The following SCRG1 variants were observed in gnomAD, a reference collection of about 807,000 sequenced individuals.
SCRG1 encodes the protein stimulator of chondrogenesis 1.
SCRG1 carries 3 observed loss-of-function variants against 7.7 expected under a neutral mutation model. The observed-to-expected ratio is 0.39, with a 90% CI of 0.18 to 1.01. The LOEUF is 1.01. SCRG1 is among the 50% of genes least tolerant of loss of function. SCRG1 has a pLI of 0.36. For missense variants in SCRG1, 110 were observed against 117.2 expected (o/e 0.94, Z 0.28); for synonymous variants, 46 against 41.2 (o/e 1.12, Z -0.44).
At chr4:173,404,161 A>G (rs1739837747) in exon 3 of SCRG1, 1 of 152,234 alleles carries the variant, frequency 6.6e-6, no homozygotes, top group Non-Finnish European at 1.5e-5. Flanking sequence ...GTGGAGCACA[A>G]ACTGGAAACC....
intron 1 of SCRG1, chr4:173,398,132 T>C (rs1739656031): frequency 6.6e-6 from 1 of 152,188 alleles, no homozygotes; most frequent in Admixed American, 6.5e-5. Context: ...AAAATGTTTT[T>C]GTTAGAATGA....
At chr4:173,417,656 G>T in the SCRG1 span, among the ~76,000 whole-genome samples, 4 of 148,864 alleles carry the variant, frequency 2.7e-5, no homozygotes, top group African/African-American at 7.5e-5. Flanking sequence ...TCAGAGAGGA[G>T]GTCTTGCTCT....
chr4:173,472,644 C>T, the SCRG1 span, among the ~76,000 whole-genome samples: 1 of 152,028 alleles, frequency 6.6e-6, no homozygotes, highest in South Asian at 2.1e-4. Context: ...AATCCGATGT[C>T]CCAGCTCAAA....
chr4:173,504,462 G>A, the SCRG1 span, among the ~76,000 whole-genome samples: 1 of 152,126 alleles, frequency 6.6e-6, no homozygotes, highest in Non-Finnish European at 1.5e-5. This position sits in a 1 kb window ranked among gnomAD's most constrained non-coding sequence, Gnocchi z 4.7. Flanking sequence ...AGACCTCTTT[G>A]TCTGCAAATG....
At chr4:173,483,408 T>TATAA in the SCRG1 span, among the ~76,000 whole-genome samples, 13 of 59,328 alleles carry the variant, frequency 2.2e-4, 1 homozygote, top group African/African-American at 9.8e-4. Flanking sequence ...ATGATATATA[T>TATAA]TATATATTAT....
chr4:173,473,305 A>G, the SCRG1 span, among the ~76,000 whole-genome samples: 1 of 152,240 alleles, frequency 6.6e-6, no homozygotes. Flanking sequence ...TGTTAATGGT[A>G]GGCTGGCCTG....
the SCRG1 span, among the ~76,000 whole-genome samples, chr4:173,432,352 C>T: frequency 1.5e-5 from 2 of 134,044 alleles, no homozygotes; most frequent in Admixed American, 7.8e-5. Context: ...TTTCATGTTT[C>T]CTGACATCTA....
At chr4:173,389,056 C>T (rs1010309861) in intron 2 of SCRG1, among the ~76,000 whole-genome samples, 13 of 152,002 alleles carry the variant, frequency 8.6e-5, no homozygotes, top group African/African-American at 3.1e-4. Context: ...AAACTGTTTT[C>T]AAGTCATACA....
chr4:173,518,696 C>G, the SCRG1 span, among the ~76,000 whole-genome samples: 1 of 152,172 alleles, frequency 6.6e-6, no homozygotes, highest in Non-Finnish European at 1.5e-5. Flanking sequence ...GCGGTTAGCC[C>G]CTGCGCCCCC....
chr4:173,419,654 G>A, the SCRG1 span: 4 of 749,528 alleles, frequency 5.3e-6, no homozygotes, highest in African/African-American at 6.8e-5. Context: ...GCTACTGTGA[G>A]GGTTAGACAA....
chr4:173,510,106 C>A, the SCRG1 span, among the ~76,000 whole-genome samples: 1 of 152,094 alleles, frequency 6.6e-6, no homozygotes, highest in African/African-American at 2.4e-5. The surrounding 1 kb of genome is among the most constrained non-coding windows in gnomAD (Gnocchi z 5.7). Context: ...AAACAGAAAT[C>A]CTAATGGCGT....
the SCRG1 span, among the ~76,000 whole-genome samples, chr4:173,477,484 T>TG: frequency 2.6e-5 from 4 of 152,104 alleles, no homozygotes; most frequent in African/African-American, 9.7e-5. Context: ...ACACACCCTA[T>TG]GGAGAGCTGG....
At chr4:173,484,405 TATACATATA>T in the SCRG1 span, among the ~76,000 whole-genome samples, 14 of 75,984 alleles carry the variant, frequency 1.8e-4, 1 homozygote, top group African/African-American at 6.6e-4. Context: ...TTATATATTA[TATACATATA>T]ATATATATTA....
chr4:173,445,768 C>T, the SCRG1 span, among the ~76,000 whole-genome samples: 2 of 150,428 alleles, frequency 1.3e-5, no homozygotes, highest in South Asian at 2.1e-4. Context: ...TGGGTTCAAG[C>T]GATTCTCCTG....
At chr4:173,499,582 C>A in the SCRG1 span, among the ~76,000 whole-genome samples, 1 of 152,190 alleles carries the variant, frequency 6.6e-6, no homozygotes, top group East Asian at 1.9e-4. This position sits in a 1 kb window ranked among gnomAD's most constrained non-coding sequence, Gnocchi z 4.1. Flanking sequence ...TAGTAAGGGT[C>A]TCCCCCACCC....
chr4:173,400,612 C>T (rs192090981), upstream of SCRG1, among the ~76,000 whole-genome samples: 1 of 152,344 alleles, frequency 6.6e-6, no homozygotes, highest in East Asian at 1.9e-4. Context: ...TAGCCGAAGT[C>T]ATGGTTGTAC....
intron 1 of SCRG1, among the ~76,000 whole-genome samples, 157 bp downstream of exon 1, chr4:173,398,911 C>T (rs1482655477): frequency 6.6e-6 from 1 of 152,152 alleles, no homozygotes; most frequent in Non-Finnish European, 1.5e-5. Flanking sequence ...TACTAGGAAG[C>T]ATCATATTTT....
At chr4:173,396,741 T>TGTGTGTGA (rs1553964621) in intron 1 of SCRG1, among the ~76,000 whole-genome samples, 2,184 of 145,608 alleles carry the variant, frequency 0.015, 43 homozygotes, top group South Asian at 0.037. Context: ...TGTGTGTGTG[T>TGTGTGTGA]GTGTGTGTAT....
At chr4:173,437,944 G>T in the SCRG1 span, among the ~76,000 whole-genome samples, 2 of 152,086 alleles carry the variant, frequency 1.3e-5, no homozygotes, top group South Asian at 2.1e-4. Context: ...GATCCATAAG[G>T]CCTGCTATAC....
Sources: allele counts gnomAD v4.1 joint callset (sites outside exome capture counted in the v4.1 genomes callset), GRCh38; gene constraint gnomAD v4.1.1; non-coding constraint Gnocchi (gnomAD v3.1); transcripts MANE v1.5; gene names NCBI Gene and HGNC (gene_info 2026-07-23, HGNC 2026-07-21).